The following FRRS1 variants were observed in gnomAD, a reference collection of about 807,000 sequenced individuals.
FRRS1 encodes ferric chelate reductase 1.
In FRRS1, 51 loss-of-function variants were observed where a neutral mutation model predicts 70.7. The ratio of observed to expected loss-of-function variants is 0.72; its 90% confidence interval spans 0.58 to 0.91. The LOEUF (loss-of-function observed/expected upper bound fraction) is 0.91. FRRS1 is among the 40% of genes least tolerant of loss of function. The pLI is 0.00. For synonymous variants in FRRS1, 225 were observed against 238.7 expected, an observed-to-expected ratio of 0.94 and a Z score of 0.53; for missense variants, 672 against 726.0, an observed-to-expected ratio of 0.93 and a Z score of 0.86.
intron 7 of FRRS1, among the ~76,000 whole-genome samples, chr1:99,737,295 T>A (rs1655722944): frequency 6.6e-6 from 1 of 152,164 alleles, no homozygotes; most frequent in Non-Finnish European, 1.5e-5. Context: ...TGCCTTCTGC[T>A]GATTTGACAA....
chr1:99,735,786 A>G (rs554620933), intron 7 of FRRS1, among the ~76,000 whole-genome samples: 3 of 152,350 alleles, frequency 2.0e-5, no homozygotes, highest in Admixed American at 2.0e-4. Context: ...ACAATTTAGA[A>G]CAGAATAACT....
At chr1:99,753,847 T>G (rs1358186302) in intron 1 of FRRS1, among the ~76,000 whole-genome samples, 2 of 152,152 alleles carry the variant, frequency 1.3e-5, no homozygotes, top group Non-Finnish European at 2.9e-5. Flanking sequence ...AAAGACAGAT[T>G]GTCAAAGTGG....
intron 6 of FRRS1, among the ~76,000 whole-genome samples, chr1:99,738,865 A>T (rs1226958441): frequency 2.0e-5 from 3 of 152,220 alleles, no homozygotes. Context: ...GGGGGGAGAA[A>T]TAAGCAACAA....
chr1:99,758,356 G>A (rs1656944345), intron 1 of FRRS1, among the ~76,000 whole-genome samples: 1 of 152,188 alleles, frequency 6.6e-6, no homozygotes, highest in Non-Finnish European at 1.5e-5. Flanking sequence ...ATTCCAAACT[G>A]AGTTAGAAAC....
chr1:99,715,733 C>A, intron 11 of FRRS1, 61 bp from the exon 12 acceptor site: 1 of 1,174,290 alleles, frequency 8.5e-7, no homozygotes, highest in Non-Finnish European at 1.3e-6. Context: ...GGTGGTGTTG[C>A]AACGGGGAAA....
At chr1:99,737,332 T>TG (rs1430863799) in intron 7 of FRRS1, among the ~76,000 whole-genome samples, 1 of 152,190 alleles carries the variant, frequency 6.6e-6, no homozygotes, top group Non-Finnish European at 1.5e-5. Flanking sequence ...ACATGCTGCC[T>TG]GGATATACAA....
At chr1:99,765,113 G>A (rs1325588367) in intron 1 of FRRS1, among the ~76,000 whole-genome samples, 1 of 152,154 alleles carries the variant, frequency 6.6e-6, no homozygotes, top group Non-Finnish European at 1.5e-5. Flanking sequence ...AAAGCTGACA[G>A]GTGTGAAACA....
chr1:99,730,728 A>T (rs923245643), intron 7 of FRRS1, among the ~76,000 whole-genome samples: 2 of 152,062 alleles, frequency 1.3e-5, no homozygotes, highest in Non-Finnish European at 2.9e-5. Context: ...TTAGCTGGGC[A>T]TGGTAGTGGG....
At chr1:99,762,972 T>C (rs918293035) in intron 1 of FRRS1, among the ~76,000 whole-genome samples, 3 of 152,170 alleles carry the variant, frequency 2.0e-5, no homozygotes, top group African/African-American at 7.2e-5. Flanking sequence ...AATAAAACAC[T>C]TTCAACTGGT....
intron 7 of FRRS1, among the ~76,000 whole-genome samples, chr1:99,734,240 G>A (rs1487724790): frequency 6.6e-6 from 1 of 152,156 alleles, no homozygotes; most frequent in Non-Finnish European, 1.5e-5. Flanking sequence ...GGACAGCTGG[G>A]AAAATTGGAA....
In FRRS1 at chr1:99,715,581, C is replaced by T. The variant is rs1193292173; in HGVS notation, c.1323+5G>A. On this transcript the variant is annotated splice_donor_5th_base_variant and intron_variant, in intron 12 of 16. Transcript: ENST00000646001. ...TAAAAAAAACCCTATTTAAGATATA[C>T]TTACCCTACTCCAGCCTCCCCTGTA... 1 of 1,571,278 alleles carries T rather than the reference C, an allele frequency of 6.4e-7. No individual in the cohort carries two copies. The highest frequency in any genetic ancestry group is 1.7e-5 in the Admixed American group (1 of 59,810).
Position 99,737,068 on chromosome 1 carries a change from T to C in FRRS1, c.759+1018A>G, listed in dbSNP as rs542373624. Among the ~76,000 whole-genome samples the C allele has an allele frequency of 3.3e-3, 500 of 152,094 alleles. 2 individuals carry two copies. Among genetic ancestry groups the C allele is most frequent in the African/African-American group, 0.012 (480 of 41,454 alleles). On this transcript the variant is annotated intron_variant, in intron 7 of 16. Transcript: ENST00000646001. ...GAACGCCTGTGCTAATAAGGGGCTT[T>C]CTCCATTTCTGGTCATCCCTATGCC...
intron 3 of FRRS1, chr1:99,748,328 G>C (rs996761243): frequency 1.2e-5 from 4 of 347,688 alleles, no homozygotes; most frequent in African/African-American, 8.8e-5. Flanking sequence ...TTCTCTTGAA[G>C]TGATAGCACA....
chr1:99,717,489 C>T lies in FRRS1; in HGVS notation c.1157G>A (p.Ser386Asn). 1 of 1,613,946 alleles carries T rather than the reference C, an allele frequency of 6.2e-7. No individual in the cohort carries two copies. Among genetic ancestry groups the T allele is most frequent in the Non-Finnish European group, 8.5e-7 (1 of 1,179,848 alleles). Residue 386 changes from serine (S) to asparagine (N), a missense_variant, in exon 11 of 17, where the codon AGC becomes AAC. Transcript: ENST00000646001. ...GAACCGGGCAACCAGTACACCTATG[C>T]TAACAGTAGTCATCCATGCCACAAA... Reference protein sequence around the residue: ...LMFVAWMTTVSIGVLVARFFK... With the variant: ...LMFVAWMTTVNIGVLVARFFK...
rs1318624847 is a variant in FRRS1, at chr1:99,708,662, A to ATATATGTATATATC, written c.*365_*366insGATATATACATATA. 8.5e-5 allele frequency: 11 copies of ATATATGTATATATC among 129,606 alleles called. No homozygotes were observed. Among genetic ancestry groups the ATATATGTATATATC allele is most frequent in the African/African-American group, 4.0e-4 (11 of 27,688 alleles). The allele number at this position is 129,606 out of a possible 1,614,324, so 8.0% of individuals were successfully genotyped here. A position where few individuals can be genotyped will look rare whatever the true frequency, so the allele number is the denominator to read the frequency against. On this transcript the variant is annotated 3_prime_UTR_variant, in exon 17 of 17. Coordinates refer to ENST00000646001, the MANE Select transcript of FRRS1 (RefSeq NM_001361041.2). ...TATATATATATATATATATATATAT[A>ATATATGTATATATC]TCGTAATATATCTCTTTATTATCCT...
Position 99,705,830 on chromosome 1 carries a change from C to G in FRRS1, c.*3198G>C, listed in dbSNP as rs972353936. On this transcript the variant is annotated 3_prime_UTR_variant, in exon 17 of 17. Coordinates refer to ENST00000646001, the MANE Select transcript of FRRS1 (RefSeq NM_001361041.2). ...CTTTCATTTCTTTCTGAAAAGCACA[C>G]ACATCTTTATTTCATATTGCATCAC... 6.6e-6 allele frequency among the ~76,000 whole-genome samples: 1 copy of G among 152,208 alleles called. No homozygotes were observed. Among genetic ancestry groups the G allele is most frequent in the Non-Finnish European group, 1.5e-5 (1 of 68,038 alleles).
chr1:99,756,556 A>G (rs1656845018), intron 1 of FRRS1, among the ~76,000 whole-genome samples: 1 of 152,218 alleles, frequency 6.6e-6, no homozygotes, highest in Non-Finnish European at 1.5e-5. Flanking sequence ...TAAAGAGAAT[A>G]TATTTATTAC....
intron 1 of FRRS1, among the ~76,000 whole-genome samples, chr1:99,760,579 CAAAG>C (rs1657066607): frequency 6.6e-6 from 1 of 152,118 alleles, no homozygotes; most frequent in Non-Finnish European, 1.5e-5. Flanking sequence ...TTCTAAAAAA[CAAAG>C]AGCATAAAAG....
intron 1 of FRRS1, among the ~76,000 whole-genome samples, chr1:99,754,951 C>T (rs1339282829): frequency 6.6e-6 from 1 of 152,006 alleles, no homozygotes; most frequent in African/African-American, 2.4e-5. Context: ...CACTATTTAT[C>T]AAACATGAAA....
Sources: allele counts gnomAD v4.1 joint callset (sites outside exome capture counted in the v4.1 genomes callset), GRCh38; gene constraint gnomAD v4.1.1; transcripts MANE v1.5; gene names NCBI Gene and HGNC (gene_info 2026-07-23, HGNC 2026-07-21).